The following ASAH2B variants were observed in gnomAD, a reference collection of about 807,000 sequenced individuals.
ASAH2B encodes the protein N-acylsphingosine amidohydrolase 2B, also known as putative inactive neutral ceramidase B.
Under a neutral mutation model 2.9 loss-of-function variants are expected in ASAH2B, and 1 was observed. The ratio of observed to expected loss-of-function variants is 0.34; its 90% CI spans 0.12 to 1.63. The LOEUF is 1.63. ASAH2B is among the 40% of genes most tolerant of loss of function. ASAH2B has a pLI of 0.36. For missense variants in ASAH2B, 9 were observed against 37.7 expected (o/e 0.24, Z 1.99); for synonymous variants, 4 against 13.3 (o/e 0.30, Z 1.52).
At chr10:50,743,131 C>T (rs929054167) in intron 2 of ASAH2B, 121 bp downstream of exon 2, 104 of 1,018,676 alleles carry the variant, frequency 1.0e-4, no homozygotes, top group Non-Finnish European at 1.5e-4. Flanking sequence ...TTCAGTTTGA[C>T]AACCTTTATA....
chr10:50,753,125 A>G (rs1387400890), intron 5 of ASAH2B, among the ~76,000 whole-genome samples: 3 of 148,938 alleles, frequency 2.0e-5, no homozygotes, highest in Non-Finnish European at 3.0e-5. Flanking sequence ...CCTGAGCTGA[A>G]TAGATATTTT....
rs1165060736 is a variant in ASAH2B, at chr10:50,753,034, C to G, written c.293+478C>G. 1.4e-5 allele frequency among the ~76,000 whole-genome samples: 2 copies of G among 139,968 alleles called. 1 individual carries two copies. The highest frequency in any genetic ancestry group is 5.2e-5 in the African/African-American group (2 of 38,506). 91.8% of individuals were successfully genotyped at this position (139,968 alleles called of 152,430 possible). A position where few individuals can be genotyped will look rare whatever the true frequency, so the allele number is the denominator to read the frequency against. ...ACACTAGAGGCTTGGGTGTTTAACT[C>G]TTAATGACTTGAGTGAGGAGATAAT... On this transcript the variant is annotated intron_variant, in intron 5 of 5. Coordinates refer to ENST00000647317, the MANE Select transcript of ASAH2B (RefSeq NM_001321958.2).
rs1208314691 is a variant in ASAH2B at position 50,755,965 on chromosome 10, T to G, written c.*1225T>G. The G allele has an allele frequency of 7.0e-6, 1 of 143,348 alleles. No homozygotes were observed. The highest frequency in any genetic ancestry group is 1.6e-5 in the Non-Finnish European group (1 of 64,256). 8.9% of individuals were successfully genotyped at this position (143,348 alleles called of 1,614,324 possible). On this transcript the variant is annotated 3_prime_UTR_variant, in exon 6 of 6. Coordinates refer to ENST00000647317, the MANE Select transcript of ASAH2B (RefSeq NM_001321958.2). ...TCCAGACAGTTTGCTAAATACTATT[T>G]TGAAAGTTATTTTTGGGCATTGTAA... is the stretch of plus-strand genomic sequence containing the variant.
chr10:50,756,084 T>C lies in ASAH2B; in HGVS notation c.*1344T>C. ...TGCATTTAAAATTCTTTAAGTTAACTACAACCTCCCAGACTGCAAAGCAAA... is the reference window on the plus strand; with the variant it reads ...TGCATTTAAAATTCTTTAAGTTAACCACAACCTCCCAGACTGCAAAGCAAA... On this transcript the variant is annotated 3_prime_UTR_variant, in exon 6 of 6. Coordinates refer to ENST00000647317, the MANE Select transcript of ASAH2B (RefSeq NM_001321958.2). 7.9e-6 allele frequency: 1 copy of C among 127,018 alleles called. No individual in the cohort carries two copies. The highest frequency in any genetic ancestry group is 2.5e-5 in the African/African-American group (1 of 40,150). 7.9% of individuals were successfully genotyped at this position (127,018 alleles called of 1,614,324 possible).
At chr10:50,754,182 A>C (rs1588935028) in intron 5 of ASAH2B, among the ~76,000 whole-genome samples, 3 of 150,972 alleles carry the variant, frequency 2.0e-5, no homozygotes, top group African/African-American at 7.3e-5. Flanking sequence ...TATATATAGA[A>C]AACAAATGAA....
chr10:50,746,756 A>G (rs1250587760), intron 3 of ASAH2B, among the ~76,000 whole-genome samples: 1 of 151,046 alleles, frequency 6.6e-6, no homozygotes, highest in Non-Finnish European at 1.5e-5. Context: ...GATCACTGAT[A>G]TTGAACATTT....
At chr10:50,754,139 A>G (rs1483479189) in intron 5 of ASAH2B, among the ~76,000 whole-genome samples, 1 of 149,738 alleles carries the variant, frequency 6.7e-6, no homozygotes, top group Admixed American at 6.7e-5. Flanking sequence ...ATATATATAT[A>G]TACATATATA....
intron 5 of ASAH2B, among the ~76,000 whole-genome samples, chr10:50,754,051 A>G (rs1837028329): frequency 7.0e-6 from 1 of 142,494 alleles, no homozygotes; most frequent in Non-Finnish European, 1.5e-5. Flanking sequence ...GCTTCATGAA[A>G]CTTGGGACCA....
At position 50,758,668 on chromosome 10, in the gene ASAH2B, T is replaced by C. The variant is rs1837143655; in HGVS notation, c.*3928T>C. 2 of 152,146 alleles carry C rather than the reference T, an allele frequency of 1.3e-5. No homozygotes were observed. The highest frequency in any genetic ancestry group is 4.8e-5 in the African/African-American group (2 of 41,462). 9.4% of individuals were successfully genotyped at this position (152,146 alleles called of 1,614,324 possible). A position where few individuals can be genotyped will look rare whatever the true frequency, so the allele number is the denominator to read the frequency against. ...ATGACGAAAAAAATTGCTTTCTGTA[T>C]TGCAAAATGTATACGTTCCTTTAAC... On this transcript the variant is annotated 3_prime_UTR_variant, in exon 6 of 6. Transcript: ENST00000647317.
rs1837140610 is a variant in ASAH2B at position 50,758,570 on chromosome 10, A to G, written c.*3830A>G. 6.6e-6 allele frequency: 1 copy of G among 150,848 alleles called. No individual in the cohort carries two copies. The highest frequency in any genetic ancestry group is 1.5e-5 in the Non-Finnish European group (1 of 67,530). The allele number at this position is 150,848 out of a possible 1,614,324, so 9.3% of individuals were successfully genotyped here. A position where few individuals can be genotyped will look rare whatever the true frequency, so the allele number is the denominator to read the frequency against. ...CAATAATATCTGCATATCCAAATTA[A>G]CTGCTCTTTGAAATAATTAGAACTC... On this transcript the variant is annotated 3_prime_UTR_variant, in exon 6 of 6. Transcript: ENST00000647317.
chr10:50,746,867 G>C (rs1199128033), intron 3 of ASAH2B, among the ~76,000 whole-genome samples: 2 of 150,990 alleles, frequency 1.3e-5, no homozygotes, highest in African/African-American at 4.9e-5. Context: ...TCTTGCTATA[G>C]AGTTGTTTGA....
intron 3 of ASAH2B, among the ~76,000 whole-genome samples, chr10:50,746,276 T>C (rs1239274974): frequency 1.3e-5 from 2 of 151,542 alleles, no homozygotes; most frequent in Non-Finnish European, 2.9e-5. Flanking sequence ...ACCTGGCTTA[T>C]TTCACTGAAT....
chr10:50,748,174 G>A (rs1839935120), intron 3 of ASAH2B, among the ~76,000 whole-genome samples: 1 of 133,182 alleles, frequency 7.5e-6, no homozygotes, highest in East Asian at 2.2e-4. Flanking sequence ...TTTCATATAA[G>A]TTGTTTAATT....
At chr10:50,740,177 CAG>C (rs1839806880) in intron 1 of ASAH2B, among the ~76,000 whole-genome samples, 194 bp downstream of exon 1, 1 of 152,010 alleles carries the variant, frequency 6.6e-6, no homozygotes, top group Non-Finnish European at 1.5e-5. Context: ...TGAATCCCTG[CAG>C]AGAGCCTGAC....
intron 4 of ASAH2B, among the ~76,000 whole-genome samples, chr10:50,749,719 TTCAG>T (rs1480446076): frequency 6.6e-6 from 1 of 152,120 alleles, no homozygotes; most frequent in Non-Finnish European, 1.5e-5. Context: ...ACAATGATGT[TTCAG>T]TCAAAGATGA....
Position 50,759,083 on chromosome 10 carries a change from A to G in ASAH2B, c.*4343A>G, listed in dbSNP as rs1410171671. On this transcript the variant is annotated 3_prime_UTR_variant, in exon 6 of 6. Transcript: ENST00000647317. ...AGGGAATATTGAGTACTTTATCAAG[A>G]CTATAGTTAGAGTATAAGGAAAGAG... is the stretch of plus-strand genomic sequence containing the variant. 6.7e-6 allele frequency: 1 copy of G among 150,244 alleles called. No homozygotes were observed. Among genetic ancestry groups the G allele is most frequent in the East Asian group, 2.0e-4 (1 of 5,066 alleles). 9.3% of individuals were successfully genotyped at this position (150,244 alleles called of 1,614,324 possible).
chr10:50,740,562 C>A (rs1839814836), intron 1 of ASAH2B, among the ~76,000 whole-genome samples: 2 of 152,178 alleles, frequency 1.3e-5, no homozygotes, highest in African/African-American at 4.8e-5. Context: ...CCTTATTGCA[C>A]GGAAGGTACT....
At chr10:50,744,631 C>G (rs1445833852) in intron 2 of ASAH2B, 2 of 151,218 alleles carry the variant, frequency 1.3e-5, no homozygotes, top group Non-Finnish European at 2.9e-5. Context: ...TTAAACCAGT[C>G]AGGATGTGGG....
At chr10:50,753,078 C>T in intron 5 of ASAH2B, among the ~76,000 whole-genome samples, 1 of 148,040 alleles carries the variant, frequency 6.8e-6, no homozygotes, top group African/African-American at 2.5e-5. Flanking sequence ...GCAATTTCTC[C>T]AGAGAGACAT....
Sources: gnomAD v4.1 joint callset for allele counts (sites outside exome capture counted in the v4.1 genomes callset) on GRCh38, gnomAD v4.1.1 for gene constraint, MANE v1.5 for transcripts, NCBI Gene and HGNC (gene_info 2026-07-23, HGNC 2026-07-21) for gene names.